The following RUVBL1 variants were observed in gnomAD, a reference collection of about 807,000 sequenced individuals.
RUVBL1 encodes ruvB-like 1.
RUVBL1 carries 4 observed loss-of-function variants against 52.4 expected under a neutral mutation model. The observed-to-expected ratio is 0.08, with a 90% CI of 0.04 to 0.17. RUVBL1 has a LOEUF of 0.17. Ranked by LOEUF, RUVBL1 falls within the 10% of genes least tolerant of loss-of-function variation. The pLI is 1.00. For missense variants in RUVBL1, 298 were observed against 572.8 expected, an observed-to-expected ratio of 0.52 and a Z score of 4.90; for synonymous variants, 217 against 214.4, an observed-to-expected ratio of 1.01 and a Z score of -0.10.
chr3:128,097,358 C>G lies in RUVBL1; in HGVS notation c.958G>C (p.Glu320Gln), dbSNP rs1943007697. 6.2e-7 allele frequency: 1 copy of G among 1,614,034 alleles called. No homozygotes were observed. The highest frequency in any genetic ancestry group is 1.1e-5 in the South Asian group (1 of 91,076). The change falls in exon 8 of 11, where the codon GAG (glutamate) becomes CAG (glutamine). Residue 320 changes from glutamate (E) to glutamine (Q), a missense_variant. Physicochemically the swap from Glu to Gln is conservative, Grantham distance 29. Coordinates refer to ENST00000322623, the MANE Select transcript of RUVBL1 (RefSeq NM_003707.3). ...ECFTYLHRALESSIAPIVIFA... is the reference protein window; with the variant it reads ...ECFTYLHRALQSSIAPIVIFA... The stretch of plus-strand genomic sequence containing the variant: ...ATGACGATGGGAGCGATAGAAGACT[C>G]CAGGGCGCGGTGCAGGTAGGTGAAG...
chr3:128,098,255 G>A (rs1559815203), intron 7 of RUVBL1, among the ~76,000 whole-genome samples: 2 of 152,184 alleles, frequency 1.3e-5, no homozygotes, highest in Non-Finnish European at 2.9e-5. Context: ...TGTCCAAAGA[G>A]GATGCACACC....
At chr3:128,131,688 G>C (rs1214078559) in intron 1 of RUVBL1, among the ~76,000 whole-genome samples, 2 of 152,178 alleles carry the variant, frequency 1.3e-5, no homozygotes, top group Non-Finnish European at 2.9e-5. Context: ...ACAAAAATCA[G>C]TGTAATATAC....
At position 128,068,006 on chromosome 3, in the gene RUVBL1, G is replaced by A. The variant is rs1178648098; in HGVS notation, c.940-2786C>T. 1.9e-6 allele frequency: 3 copies of A among 1,612,846 alleles called. No individual in the cohort carries two copies. In the South Asian group the frequency reaches 3.3e-5, roughly 18 times the overall value. ...AGGTTGCAAAGCAGCTGAAGGAGCA[G>A]CAGATGGTGATGAGAGGCCACCGAG... is the stretch of plus-strand genomic sequence containing the variant. On this transcript the variant is annotated intron_variant, in intron 9 of 9. Coordinates refer to the RUVBL1 transcript ENST00000464873.
At chr3:128,066,900 G>T (rs529970324) in intron 9 of RUVBL1, 1 of 1,574,698 alleles carries the variant, frequency 6.4e-7, no homozygotes, top group African/African-American at 1.3e-5. Context: ...GTGTTTCTGT[G>T]CAGCAGGCTG....
rs556539308 is a variant in RUVBL1, at chr3:128,090,763, T to C, written c.1017-2955A>G. Among the ~76,000 whole-genome samples, 3 of 152,350 alleles carry C rather than the reference T, an allele frequency of 2.0e-5. No homozygotes were observed. In the East Asian group the frequency reaches 5.8e-4, roughly 29 times the overall value. On this transcript the variant is annotated intron_variant, in intron 8 of 10. Transcript: ENST00000322623. ...CATTTAATTTTTAGTTTTTTAATTC[T>C]ATTTAGGCCATAAGTGTTTTTTAAG...
At chr3:128,125,436 C>T (rs1268199147), upstream of RUVBL1, among the ~76,000 whole-genome samples, 1 of 152,120 alleles carries the variant, frequency 6.6e-6, no homozygotes, top group Non-Finnish European at 1.5e-5. Flanking sequence ...ATGTTTTTCT[C>T]TCCCAGTAAA....
At chr3:128,077,159 G>A (rs1942358407), downstream of RUVBL1, among the ~76,000 whole-genome samples, 1 of 152,020 alleles carries the variant, frequency 6.6e-6, no homozygotes, top group Non-Finnish European at 1.5e-5. Context: ...TGGCCGCCCA[G>A]CCCGCACGGC....
At chr3:128,094,070 G>T (rs1014921783) in intron 8 of RUVBL1, among the ~76,000 whole-genome samples, 1 of 152,146 alleles carries the variant, frequency 6.6e-6, no homozygotes, top group African/African-American at 2.4e-5. Flanking sequence ...GGCTGGCCTG[G>T]GTGATAACTT....
At chr3:128,079,106 G>C (rs994810418), downstream of RUVBL1, 1 of 152,408 alleles carries the variant, frequency 6.6e-6, no homozygotes, top group African/African-American at 2.4e-5. Context: ...GAGATCTGCT[G>C]TCAGCGCCAC....
intron 9 of RUVBL1, chr3:128,068,095 G>A (rs1481544296): frequency 6.5e-7 from 1 of 1,547,154 alleles, no homozygotes; most frequent in Admixed American, 1.7e-5. Flanking sequence ...CCTCCCGTCT[G>A]TGGACATGTG....
chr3:128,140,232 G>GTTTT (rs60288042), intron 1 of RUVBL1, among the ~76,000 whole-genome samples: 4 of 117,260 alleles, frequency 3.4e-5, no homozygotes, highest in Admixed American at 9.4e-5. Context: ...TTGTTTGTTT[G>GTTTT]TTTTTTTTTT....
intron 3 of RUVBL1, among the ~76,000 whole-genome samples, chr3:128,111,221 A>C (rs991998834): frequency 2.7e-4 from 1 of 3,686 alleles, no homozygotes; most frequent in African/African-American, 2.8e-3. Flanking sequence ...CTCTCTCTCA[A>C]AAAAAAAAAA....
chr3:128,153,457 C>T (rs1213640404), exon 1 of RUVBL1: 3 of 1,447,298 alleles, frequency 2.1e-6, no homozygotes, highest in Non-Finnish European at 2.7e-6. Context: ...CGGCGACTAC[C>T]GAGGGAGGTG....
At chr3:128,101,340 ATC>A (rs1943103667) in intron 5 of RUVBL1, among the ~76,000 whole-genome samples, 1 of 152,148 alleles carries the variant, frequency 6.6e-6, no homozygotes, top group South Asian at 2.1e-4. Flanking sequence ...CTAACAGACT[ATC>A]TGTTTTAATC....
chr3:128,100,860 T>C (rs905770150), intron 5 of RUVBL1, 116 bp from the exon 6 acceptor site: 4 of 1,191,266 alleles, frequency 3.4e-6, no homozygotes, highest in East Asian at 2.5e-5. Context: ...ACAGCCTACT[T>C]GACAAACTCC....
At chr3:128,132,262 C>T (rs768629763) in intron 1 of RUVBL1, among the ~76,000 whole-genome samples, 12 of 152,182 alleles carry the variant, frequency 7.9e-5, no homozygotes, top group Admixed American at 1.3e-4. Flanking sequence ...GCCTCATCAC[C>T]GCAGGCTAAA....
chr3:128,083,702 C>T (rs574108692), intron 9 of RUVBL1: 4 of 152,366 alleles, frequency 2.6e-5, no homozygotes, highest in Non-Finnish European at 5.9e-5. Context: ...CCCCTCCACC[C>T]GCGGCCACCA....
At chr3:128,125,385 T>C (rs530991040), upstream of RUVBL1, among the ~76,000 whole-genome samples, 2 of 152,314 alleles carry the variant, frequency 1.3e-5, no homozygotes, top group South Asian at 4.1e-4. Flanking sequence ...TTCTTTTCTT[T>C]TGAATCTAGG....
At chr3:128,128,087 G>A (rs1270524330), upstream of RUVBL1, among the ~76,000 whole-genome samples, 1 of 151,964 alleles carries the variant, frequency 6.6e-6, no homozygotes, top group Non-Finnish European at 1.5e-5. Flanking sequence ...TTTTTGGGGG[G>A]CTTCAAGTGA....
Sources: gnomAD v4.1 joint callset for allele counts (sites outside exome capture counted in the v4.1 genomes callset) on GRCh38, gnomAD v4.1.1 for gene constraint, MANE v1.5 for transcripts, NCBI Gene and HGNC (gene_info 2026-07-23, HGNC 2026-07-21) for gene names.